The following CTBP2 variants were observed in gnomAD, a reference collection of about 807,000 sequenced individuals.
The protein encoded by CTBP2 is C-terminal binding protein 2.
A neutral mutation model predicts 80.3 loss-of-function variants in CTBP2; 30 were observed. That is an observed-to-expected ratio of 0.37 (90% CI 0.28 to 0.51). The LOEUF is 0.51. CTBP2 is among the 20% of genes least tolerant of loss of function. The probability of loss-of-function intolerance (pLI) is 0.93; values close to 1 mark genes in which losing one functional copy is unlikely to be tolerated. For missense variants in CTBP2, 1,212 were observed against 1,375.3 expected, an observed-to-expected ratio of 0.88 and a Z score of 1.88; for synonymous variants, 594 against 587.4, an observed-to-expected ratio of 1.01 and a Z score of -0.16.
rs761666359 is a variant in CTBP2, at chr10:125,026,773, GAT to G, written c.985_986del (p.Ile329GlnfsTer19). 2 of 1,613,006 alleles carry G rather than the reference GAT, an allele frequency of 1.2e-6. No homozygotes were observed. The highest frequency in any genetic ancestry group is 1.6e-4 in the Middle Eastern group (1 of 6,084). On this transcript the variant is annotated frameshift_variant, in exon 1 of 9. Transcript: ENST00000309035. LOFTEE classifies it high-confidence loss of function. ...GGCCCAGGTTGGGTGCGACAGACTTGATATCCGCGTCCTCCAGGGTAGCCAGG... is the reference window on the plus strand; with the variant it reads ...GGCCCAGGTTGGGTGCGACAGACTTGATCCGCGTCCTCCAGGGTAGCCAGG...
chr10:125,129,434 T>C (rs1855790632), intron 1 of CTBP2, among the ~76,000 whole-genome samples: 1 of 151,922 alleles, frequency 6.6e-6, no homozygotes, highest in African/African-American at 2.4e-5. Flanking sequence ...AAGTTTTACC[T>C]CAAAGAAAAA....
chr10:125,086,613 T>TAAA lies in CTBP2; in HGVS notation c.-102+24374_-102+24376dup, dbSNP rs66522424. 5.3e-3 allele frequency among the ~76,000 whole-genome samples: 618 copies of TAAA among 116,386 alleles called. 8 individuals carry two copies. Among genetic ancestry groups the TAAA allele is most frequent in the East Asian group, 0.02 (68 of 3,406 alleles). 76.4% of individuals were successfully genotyped at this position (116,386 alleles called of 152,430 possible). A position where few individuals can be genotyped will look rare whatever the true frequency, so the allele number is the denominator to read the frequency against. On this transcript the variant is annotated intron_variant, in intron 2 of 10. Coordinates refer to the CTBP2 transcript ENST00000337195. The stretch of plus-strand genomic sequence containing the variant: ...CTGGGCAATCGAGCAAAATTTTATT[T>TAAA]AAAAAAAAAAAAAAAAAAAAAAAGG...
intron 4 of CTBP2, 162 bp downstream of exon 6, chr10:124,997,802 G>C: frequency 1.5e-6 from 1 of 686,594 alleles, no homozygotes; most frequent in Non-Finnish European, 2.4e-6. Context: ...TGCCTGATGG[G>C]TCTTGACTCC....
chr10:124,999,083 C>T (rs940002679), intron 3 of CTBP2: 1 of 152,322 alleles, frequency 6.6e-6, no homozygotes, highest in African/African-American at 2.4e-5. Context: ...CTCCCTACAC[C>T]CGACAGGTGG....
intron 1 of CTBP2, among the ~76,000 whole-genome samples, chr10:125,153,872 A>C (rs1860454570): frequency 6.6e-6 from 1 of 152,236 alleles, no homozygotes; most frequent in Admixed American, 6.5e-5. Flanking sequence ...GCTGGAGGCC[A>C]GATTTCAGGC....
intron 1 of CTBP2, among the ~76,000 whole-genome samples, chr10:125,118,802 G>A (rs971263767): frequency 8.5e-5 from 13 of 152,228 alleles, no homozygotes; most frequent in Non-Finnish European, 1.6e-4. Flanking sequence ...GCAAAGGCGC[G>A]CAGCTCCGAA....
At chr10:125,147,666 G>C (rs960852352) in intron 1 of CTBP2, among the ~76,000 whole-genome samples, 1 of 150,858 alleles carries the variant, frequency 6.6e-6, no homozygotes, top group African/African-American at 2.5e-5. Context: ...GGGAGGCCAA[G>C]GAGGGAGGAT....
At chr10:124,993,621 C>T (rs1953025984) in intron 6 of CTBP2, among the ~76,000 whole-genome samples, 1 of 152,238 alleles carries the variant, frequency 6.6e-6, no homozygotes, top group African/African-American at 2.4e-5. Flanking sequence ...GAACCACTGC[C>T]ACACCCCCAC....
chr10:124,995,942 C>T (rs1170299120), intron 4 of CTBP2: 1 of 152,144 alleles, frequency 6.6e-6, no homozygotes, highest in African/African-American at 2.4e-5. Context: ...GAACATGCTT[C>T]AATCAGTGGG....
chr10:125,003,072 G>A lies in CTBP2; in HGVS notation c.1866C>T (p.Tyr622=), dbSNP rs767260867. 1.2e-6 allele frequency: 2 copies of A among 1,614,054 alleles called. No individual in the cohort carries two copies. The highest frequency in any genetic ancestry group is 2.2e-5 in the East Asian group (1 of 44,878). ...CCTCCCTGGTGAGGGTGATGGTGTG[G>A]TACATCATGGCGCCCACGGCTTCGT... Residue 622 remains tyrosine (Y), a synonymous_variant, in exon 3 of 9, where the codon TAC becomes TAT. Coordinates refer to ENST00000309035, the MANE Select transcript of CTBP2 (RefSeq NM_022802.3).
chr10:125,072,508 C>T (rs527399193), intron 2 of CTBP2, among the ~76,000 whole-genome samples: 9 of 151,812 alleles, frequency 5.9e-5, no homozygotes, highest in Middle Eastern at 3.4e-3. Context: ...CCCAGGTCCT[C>T]GGGAGACTGA....
upstream of CTBP2, among the ~76,000 whole-genome samples, chr10:125,031,019 C>T (rs1018335697): frequency 1.7e-5 from 2 of 114,964 alleles, no homozygotes; most frequent in African/African-American, 3.1e-5. Flanking sequence ...TCTCCCACAG[C>T]GAGCGCTTCC....
chr10:125,005,665 C>A (rs747872719), intron 1 of CTBP2: 54 of 1,612,836 alleles, frequency 3.3e-5, no homozygotes, highest in Non-Finnish European at 4.3e-5. Flanking sequence ...ACACACATGG[C>A]TCCCACCTGG....
chr10:124,998,163 G>A lies in CTBP2; in HGVS notation c.1986C>T (p.Ala662=), dbSNP rs764494778. Residue 662 remains alanine, a synonymous_variant, in exon 4 of 9, where the codon GCC becomes GCT. Coordinates refer to ENST00000309035, the MANE Select transcript of CTBP2 (RefSeq NM_022802.3). ...CGGCTGCAGACGGGATGTTGCACAC[G>A]GCAATTCCTGAAAGGGATGAGGCCA... is the stretch of plus-strand genomic sequence containing the variant. 7.5e-6 allele frequency: 12 copies of A among 1,604,624 alleles called. No homozygotes were observed. Among genetic ancestry groups the A allele is most frequent in the South Asian group, 2.2e-5 (2 of 89,312 alleles).
intron 3 of CTBP2, among the ~76,000 whole-genome samples, 166 bp downstream of exon 3, chr10:125,038,831 C>T (rs1236078022): frequency 6.6e-6 from 1 of 152,218 alleles, no homozygotes; most frequent in Non-Finnish European, 1.5e-5. Flanking sequence ...CAAGGCCAGG[C>T]CCACGGCCAA....
chr10:125,136,848 A>G (rs1857050724), intron 1 of CTBP2, among the ~76,000 whole-genome samples: 1 of 152,194 alleles, frequency 6.6e-6, no homozygotes, highest in African/African-American at 2.4e-5. Flanking sequence ...GAGACGTAAA[A>G]CATTCTCCCA....
chr10:124,993,483 A>C (rs1474402814), intron 6 of CTBP2, among the ~76,000 whole-genome samples, 154 bp from the exon 9 acceptor site: 1 of 152,204 alleles, frequency 6.6e-6, no homozygotes, highest in Non-Finnish European at 1.5e-5. Flanking sequence ...GAAGGCTGGG[A>C]ATTTTTGAAT....
chr10:125,076,758 A>G (rs527926958), intron 2 of CTBP2, among the ~76,000 whole-genome samples: 25 of 152,368 alleles, frequency 1.6e-4, no homozygotes, highest in African/African-American at 6.0e-4. Flanking sequence ...GCAGGGGTTA[A>G]CAATTTTATA....
In CTBP2 at chr10:125,026,100, T is replaced by C. The variant is rs776836786; in HGVS notation, c.1660A>G (p.Met554Val). ...GTATTACTTGGTTCTGGTGCAAGCA[T>C]GGTGGACACGATGATGGGTGCCCCT... The change falls in exon 1 of 9, where the codon ATG becomes GTG. Residue 554 changes from methionine (M) to valine (V), a missense_variant. Physicochemically the swap from Met to Val is conservative, Grantham distance 21. Around this residue, in one of 3 missense-constraint regions of CTBP2, gnomAD observed 848 missense variants for 782.3 expected, o/e 1.08. Coordinates refer to ENST00000309035, the MANE Select transcript of CTBP2 (RefSeq NM_022802.3). The C allele has an allele frequency of 3.8e-6, 6 of 1,573,128 alleles. No individual in the cohort carries two copies. The highest frequency in any genetic ancestry group is 5.2e-6 in the Non-Finnish European group (6 of 1,155,280).
Sources: allele counts gnomAD v4.1 joint callset (sites outside exome capture counted in the v4.1 genomes callset), GRCh38; gene constraint gnomAD v4.1.1; regional missense constraint gnomAD v4.1.1; transcripts MANE v1.5; gene names NCBI Gene and HGNC (gene_info 2026-07-23, HGNC 2026-07-21).